LUC7L2: variants seen among roughly 807,000 people sequenced by gnomAD.
LUC7L2 encodes LUC7 like 2, pre-mRNA splicing factor.
A neutral mutation model predicts 52.8 loss-of-function variants in LUC7L2; 25 were observed. The ratio of observed to expected loss-of-function variants is 0.47; its 90% CI spans 0.34 to 0.66. The LOEUF (loss-of-function observed/expected upper bound fraction) is 0.66. Among genes scored for constraint, LUC7L2 ranks in the 30% least tolerant of loss-of-function variants. The probability of loss-of-function intolerance (pLI) is 0.01; values close to 1 mark genes in which losing one functional copy is unlikely to be tolerated. For synonymous variants in LUC7L2, 144 were observed against 160.9 expected (o/e 0.89, Z 0.80); for missense variants, 328 against 497.8 (o/e 0.66, Z 3.25).
chr7:139,359,731 A>C, upstream of LUC7L2: 2 of 399,824 alleles, frequency 5.0e-6, no homozygotes, highest in Non-Finnish European at 8.8e-6. Context: ...TTAAGGAACC[A>C]GAGTATCGCG....
At chr7:139,400,366 G>A (rs558599273) in intron 3 of LUC7L2, among the ~76,000 whole-genome samples, 22 of 152,040 alleles carry the variant, frequency 1.4e-4, no homozygotes, top group African/African-American at 5.3e-4. Flanking sequence ...AAAATTAGCC[G>A]GGCATGGTGG....
chr7:139,341,521 G>T, intron 1 of LUC7L2: 1 of 1,611,366 alleles, frequency 6.2e-7, no homozygotes. Context: ...CGTGCACATC[G>T]GGTACGGGAG....
At chr7:139,418,855 C>T (rs1431376377) in intron 9 of LUC7L2, among the ~76,000 whole-genome samples, 5 of 152,094 alleles carry the variant, frequency 3.3e-5, no homozygotes, top group African/African-American at 1.2e-4. Flanking sequence ...CCATGGCTCA[C>T]GCTTATAATC....
At chr7:139,357,672 T>C (rs1306287682), upstream of LUC7L2, among the ~76,000 whole-genome samples, 12 of 151,594 alleles carry the variant, frequency 7.9e-5, no homozygotes, top group Admixed American at 7.9e-4. Context: ...TGTGTATTAC[T>C]AAAGATAACT....
chr7:139,345,447 TGTGGA>T, intron 1 of LUC7L2: 1 of 1,607,136 alleles, frequency 6.2e-7, no homozygotes, highest in Non-Finnish European at 8.5e-7. Flanking sequence ...AATCTTTCTC[TGTGGA>T]CCTGTATCTC....
intron 9 of LUC7L2, among the ~76,000 whole-genome samples, chr7:139,421,382 G>C (rs879795176): frequency 3.9e-4 from 59 of 152,182 alleles, no homozygotes; most frequent in Admixed American, 3.9e-3. Context: ...AAGTATGGAA[G>C]ATTCCATGTT....
At chr7:139,344,652 C>T (rs1799171940) in intron 1 of LUC7L2, among the ~76,000 whole-genome samples, 1 of 150,894 alleles carries the variant, frequency 6.6e-6, no homozygotes. Flanking sequence ...TACTATTTAG[C>T]ACAAAGCTAT....
intron 1 of LUC7L2, chr7:139,340,714 A>G: frequency 5.2e-6 from 2 of 387,120 alleles, no homozygotes; most frequent in Non-Finnish European, 9.1e-6. Context: ...CAGTGGCCTA[A>G]TGGATAAGGC....
chr7:139,377,403 A>T (rs1015141348), intron 2 of LUC7L2, among the ~76,000 whole-genome samples: 2 of 149,708 alleles, frequency 1.3e-5, no homozygotes, highest in African/African-American at 4.9e-5. Context: ...TTATTTATTT[A>T]TTTTGAGACG....
intron 8 of LUC7L2, among the ~76,000 whole-genome samples, chr7:139,415,850 CCTTT>C (rs949894432): frequency 6.6e-5 from 10 of 151,550 alleles, no homozygotes; most frequent in African/African-American, 1.7e-4. Context: ...ATGTCATGTA[CCTTT>C]CTTTGACTAT....
chr7:139,348,263 C>T (rs554967793), intron 1 of LUC7L2, among the ~76,000 whole-genome samples: 2 of 150,104 alleles, frequency 1.3e-5, no homozygotes, highest in Non-Finnish European at 3.0e-5. Flanking sequence ...GTCTTGAACT[C>T]GTGGGCTCAA....
intron 1 of LUC7L2, among the ~76,000 whole-genome samples, chr7:139,370,591 A>T (rs1029616135): frequency 6.6e-6 from 1 of 152,112 alleles, no homozygotes; most frequent in Non-Finnish European, 1.5e-5. Flanking sequence ...TGTAGCTGAT[A>T]TTACAGACCT....
intron 1 of LUC7L2, among the ~76,000 whole-genome samples, chr7:139,346,481 G>A (rs1169616107): frequency 6.6e-6 from 1 of 152,120 alleles, no homozygotes; most frequent in African/African-American, 2.4e-5. Flanking sequence ...GCAGGAAATA[G>A]GTGGCACACT....
chr7:139,415,054 GTTTTTTTTTTTTTTTTTTT>G (rs1171809951), intron 8 of LUC7L2, among the ~76,000 whole-genome samples: 1 of 54,192 alleles, frequency 1.8e-5, no homozygotes, highest in Admixed American at 1.9e-4. Context: ...GCCCTGCTAA[GTTTTTTTTTTTTTTTTTTT>G]TTTTTTTTTT....
At chr7:139,410,516 T>C (rs889004131) in intron 7 of LUC7L2, among the ~76,000 whole-genome samples, 1 of 151,126 alleles carries the variant, frequency 6.6e-6, no homozygotes, top group African/African-American at 2.5e-5. Flanking sequence ...CTAAACATTC[T>C]TCTGAGTCAC....
At chr7:139,375,073 T>G in intron 1 of LUC7L2, 1 of 983,540 alleles carries the variant, frequency 1.0e-6, no homozygotes, top group Non-Finnish European at 1.2e-6. Flanking sequence ...CACCTACATT[T>G]CTTAGGGCTT....
chr7:139,414,892 T>G (rs1409891121), intron 8 of LUC7L2, among the ~76,000 whole-genome samples: 1 of 152,122 alleles, frequency 6.6e-6, no homozygotes, highest in African/African-American at 2.4e-5. Flanking sequence ...ATAACATCTT[T>G]TAATTTTTTT....
chr7:139,353,103 C>T (rs552234012), intron 1 of LUC7L2, among the ~76,000 whole-genome samples: 1 of 152,152 alleles, frequency 6.6e-6, no homozygotes, highest in Non-Finnish European at 1.5e-5. Flanking sequence ...GAGGCTGAGG[C>T]AGAGAATCGC....
In LUC7L2 at chr7:139,360,229, CA is replaced by C; in HGVS notation, c.-32del. The C allele has an allele frequency of 1.3e-6, 2 of 1,532,270 alleles. No homozygotes were observed. The highest frequency in any genetic ancestry group is 1.4e-5 in the African/African-American group (1 of 72,388). 94.9% of individuals were successfully genotyped at this position (1,532,270 alleles called of 1,614,324 possible). On this transcript the variant is annotated 5_prime_UTR_variant, in exon 1 of 10. Transcript: ENST00000354926. The stretch of plus-strand genomic sequence containing the variant: ...GCCCAAAAGGGCCCGGTCTGCGCCC[CA>C]CCCCCGCCCGTCCGCCCGCTACGCC...
Sources: allele counts gnomAD v4.1 joint callset (sites outside exome capture counted in the v4.1 genomes callset), GRCh38; gene constraint gnomAD v4.1.1; transcripts MANE v1.5; gene names NCBI Gene and HGNC (gene_info 2026-07-23, HGNC 2026-07-21).